ALX1: variants seen among roughly 807,000 people sequenced by gnomAD.
ALX1 encodes the protein ALX homeobox protein 1.
ALX1 carries 19 observed loss-of-function variants against 31.7 expected under a neutral mutation model. The ratio of observed to expected loss-of-function variants is 0.60; its 90% confidence interval spans 0.42 to 0.88. The LOEUF is 0.88. Ranked by LOEUF, ALX1 falls within the 40% of genes least tolerant of loss-of-function variation. ALX1 has a pLI of 0.00. For missense variants in ALX1, 415 were observed against 407.8 expected, an observed-to-expected ratio of 1.02 and a Z score of -0.15; for synonymous variants, 153 against 148.8, an observed-to-expected ratio of 1.03 and a Z score of -0.20.
At position 85,280,930 on chromosome 12, in the gene ALX1, A is replaced by G. The variant is rs575902604; in HGVS notation, c.226+443A>G. 4.6e-5 allele frequency among the ~76,000 whole-genome samples: 7 copies of G among 151,740 alleles called. No individual in the cohort carries two copies. The South Asian group carries it at 6.2e-4, about 14-fold the overall frequency. On this transcript the variant is annotated intron_variant, in intron 1 of 3. Transcript: ENST00000316824. ...TACGTCACTGTCGTCACGAGTAGGG[A>G]AAAAAAAACCGGAAAACAAAAACAA...
Position 85,280,236 on chromosome 12 carries a change from G to A in ALX1, c.-26G>A. On this transcript the variant is annotated 5_prime_UTR_variant, in exon 1 of 4. Coordinates refer to ENST00000316824, the MANE Select transcript of ALX1 (RefSeq NM_006982.3). Reference sequence around the variant, plus strand: ...GCGCTCTCCAGTTTCTGTGCCCCAGGAGCTACGCGACAGTCTTCCAGGATT... The same window carrying A: ...GCGCTCTCCAGTTTCTGTGCCCCAGAAGCTACGCGACAGTCTTCCAGGATT... 6.2e-7 allele frequency: 1 copy of A among 1,606,760 alleles called. No homozygotes were observed. The highest frequency in any genetic ancestry group is 2.2e-5 in the East Asian group (1 of 44,794).
At chr12:85,300,931 G>A (rs1017629383) in intron 3 of ALX1, among the ~76,000 whole-genome samples, 1 of 152,002 alleles carries the variant, frequency 6.6e-6, no homozygotes, top group Non-Finnish European at 1.5e-5. Flanking sequence ...TTGAGAGTAC[G>A]TTATGTGGCC....
intron 3 of ALX1, 67 bp downstream of exon 3, chr12:85,287,048 T>G (rs1335848977): frequency 1.3e-6 from 2 of 1,564,540 alleles, no homozygotes; most frequent in African/African-American, 2.7e-5. Flanking sequence ...TTAAAATGGT[T>G]AGCATAGGCT....
chr12:85,286,149 A>T (rs923329465), intron 2 of ALX1, among the ~76,000 whole-genome samples: 3 of 151,954 alleles, frequency 2.0e-5, no homozygotes, highest in African/African-American at 7.2e-5. Flanking sequence ...TCATAAGGGA[A>T]AATAAGTTGC....
chr12:85,293,277 A>G (rs1241194627), intron 3 of ALX1, among the ~76,000 whole-genome samples: 3 of 150,266 alleles, frequency 2.0e-5, no homozygotes, highest in East Asian at 3.9e-4. Flanking sequence ...ATATATATAT[A>G]TAAGTTATGT....
intron 3 of ALX1, among the ~76,000 whole-genome samples, chr12:85,288,332 T>A (rs1415905533): frequency 1.3e-5 from 2 of 151,524 alleles, no homozygotes; most frequent in Non-Finnish European, 3.0e-5. Context: ...ATAGGAGGAA[T>A]CTTGTTTCTC....
At chr12:85,292,820 C>T (rs1295079904) in intron 3 of ALX1, among the ~76,000 whole-genome samples, 4 of 150,834 alleles carry the variant, frequency 2.7e-5, no homozygotes, top group Admixed American at 2.0e-4. Flanking sequence ...CTCCTTCAAC[C>T]ACTGTGGTTT....
At chr12:85,283,471 T>C (rs1565940239) in intron 1 of ALX1, 101 bp from the exon 2 acceptor site, 7 of 1,207,216 alleles carry the variant, frequency 5.8e-6, no homozygotes, top group African/African-American at 1.5e-5. Context: ...AAATTATTAA[T>C]AGGCCAATTT....
rs755027408 is a variant in ALX1, at chr12:85,301,416, A to G, written c.922A>G (p.Ile308Val). Residue 308 changes from isoleucine (I) to valine (V), a missense_variant, in exon 4 of 4, where the codon ATC becomes GTC. Around this residue, in one of 3 missense-constraint regions of ALX1, gnomAD observed 174 missense variants for 177.5 expected, o/e 0.98. Transcript: ENST00000316824. ...KPEFERRSSS[I>V]AVLRMKAKEH... ...AGAGTTTGAAAGGAGGTCTTCCAGTATCGCAGTTCTTCGAATGAAAGCCAA... is the reference window on the plus strand; with the variant it reads ...AGAGTTTGAAAGGAGGTCTTCCAGTGTCGCAGTTCTTCGAATGAAAGCCAA... The G allele has an allele frequency of 6.2e-7, 1 of 1,614,148 alleles. No homozygotes were observed. The highest frequency in any genetic ancestry group is 8.5e-7 in the Non-Finnish European group (1 of 1,179,992).
At chr12:85,295,239 G>A (rs1305161777) in intron 3 of ALX1, among the ~76,000 whole-genome samples, 1 of 151,240 alleles carries the variant, frequency 6.6e-6, no homozygotes, top group Non-Finnish European at 1.5e-5. Flanking sequence ...CTCCCTGCCA[G>A]CAACTTACTG....
At chr12:85,299,798 A>T (rs1896939558) in intron 3 of ALX1, among the ~76,000 whole-genome samples, 1 of 151,890 alleles carries the variant, frequency 6.6e-6, no homozygotes, top group South Asian at 2.1e-4. Context: ...CAACTCAAGC[A>T]TGGGTATTGT....
chr12:85,299,384 A>G (rs899399948), intron 3 of ALX1, among the ~76,000 whole-genome samples: 2 of 151,656 alleles, frequency 1.3e-5, no homozygotes, highest in African/African-American at 4.8e-5. Context: ...TGGAACACAT[A>G]TAGTAGAATG....
chr12:85,289,974 G>GA (rs1193389039), intron 3 of ALX1, among the ~76,000 whole-genome samples: 1 of 150,842 alleles, frequency 6.6e-6, no homozygotes, highest in African/African-American at 2.4e-5. Context: ...GTTAATTACA[G>GA]AAAAAATTAT....
rs1228104463 is a variant in ALX1, at chr12:85,280,481, A to G, written c.220A>G (p.Ser74Gly). 1.9e-6 allele frequency: 3 copies of G among 1,610,730 alleles called. No individual in the cohort carries two copies. The highest frequency in any genetic ancestry group is 2.5e-6 in the Non-Finnish European group (3 of 1,179,920). The change falls in exon 1 of 4, where the codon AGC (serine) becomes GGC (glycine). Residue 74 changes from serine to glycine, a missense_variant. By Grantham distance (56) the Ser-to-Gly change is moderately conservative. Around this residue, in one of 3 missense-constraint regions of ALX1, gnomAD observed 235 missense variants for 208.9 expected, o/e 1.13. Transcript: ENST00000316824. Reference protein sequence around the residue: ...RLERTSPCQDSSVNYGITKVE... With the variant: ...RLERTSPCQDGSVNYGITKVE... ...GGAGAGGACCTCGCCCTGTCAGGAC[A>G]GCAGCGGTGAGTCGCTAGCGCCCCA...
Position 85,286,929 on chromosome 12 carries a change from T to G in ALX1, c.608T>G (p.Phe203Cys), listed in dbSNP as rs1435295887. The change falls in exon 3 of 4, where the codon TTT becomes TGT. Residue 203 changes from phenylalanine to cysteine, a missense_variant. Phe to Cys is a radical substitution (Grantham distance 205). This residue lies in a region of ALX1 where 174 missense variants were observed against 177.5 expected (regional missense o/e 0.98). Transcript: ENST00000316824. Reference sequence around the variant, plus strand: ...CAAATACAACAAGCGAAAAGCCATTTTGCTGCCACCTATGATATATCAGTT... The same window carrying G: ...CAAATACAACAAGCGAAAAGCCATTGTGCTGCCACCTATGATATATCAGTT... The part of the protein sequence containing the change: ...YGQIQQAKSH[F>C]AATYDISVLP... 2 of 1,612,364 alleles carry G rather than the reference T, an allele frequency of 1.2e-6. No individual in the cohort carries two copies. The highest frequency in any genetic ancestry group is 1.7e-6 in the Non-Finnish European group (2 of 1,178,730).
intron 3 of ALX1, among the ~76,000 whole-genome samples, chr12:85,294,868 T>G (rs527645278): frequency 6.6e-6 from 1 of 151,338 alleles, no homozygotes; most frequent in Non-Finnish European, 1.5e-5. Context: ...AAAATAAAAG[T>G]GACAGTATTT....
chr12:85,290,231 C>A (rs541037949), intron 3 of ALX1, among the ~76,000 whole-genome samples: 2 of 151,118 alleles, frequency 1.3e-5, no homozygotes, highest in Admixed American at 6.6e-5. Context: ...ACTATAGTAG[C>A]AACAGCTGTA....
intron 3 of ALX1, among the ~76,000 whole-genome samples, chr12:85,298,205 T>C (rs374255979): frequency 6.6e-6 from 1 of 151,716 alleles, no homozygotes; most frequent in African/African-American, 2.4e-5. Flanking sequence ...AGATTTGACC[T>C]CCACCATTGG....
intron 3 of ALX1, among the ~76,000 whole-genome samples, chr12:85,291,950 C>T (rs1896824189): frequency 6.6e-6 from 1 of 151,004 alleles, no homozygotes; most frequent in Non-Finnish European, 1.5e-5. Context: ...AATGAATTTA[C>T]CATGAGGAAC....
Sources: allele counts gnomAD v4.1 joint callset (sites outside exome capture counted in the v4.1 genomes callset), GRCh38; gene constraint gnomAD v4.1.1; regional missense constraint gnomAD v4.1.1; transcripts MANE v1.5; gene names NCBI Gene and HGNC (gene_info 2026-07-23, HGNC 2026-07-21).